The following PDE7B variants were observed in gnomAD, a reference collection of about 807,000 sequenced individuals.
PDE7B encodes the protein 3',5'-cyclic-AMP phosphodiesterase 7B.
In PDE7B, 29 loss-of-function variants were observed where a neutral mutation model predicts 56.2. That is an observed-to-expected ratio of 0.52 (90% CI 0.38 to 0.70). The LOEUF (loss-of-function observed/expected upper bound fraction) is 0.70, where lower values mean the gene tolerates loss of function less well. Among genes scored for constraint, PDE7B ranks in the 30% least tolerant of loss-of-function variants. The pLI, the probability that PDE7B is intolerant of heterozygous loss-of-function variation, is 0.00. For synonymous variants in PDE7B, 197 were observed against 196.9 expected (o/e 1.00, Z 0.00); for missense variants, 490 against 565.0 (o/e 0.87, Z 1.35).
chr6:136,010,477 C>T (rs1253379381), intron 2 of PDE7B, among the ~76,000 whole-genome samples: 1 of 149,248 alleles, frequency 6.7e-6, no homozygotes, highest in East Asian at 2.0e-4. Flanking sequence ...GCAGTCTCGG[C>T]TCACTGCAAC....
intron 2 of PDE7B, among the ~76,000 whole-genome samples, chr6:136,042,021 C>T (rs1028551555): frequency 3.3e-5 from 5 of 152,190 alleles, no homozygotes; most frequent in Non-Finnish European, 5.9e-5. Context: ...AATGAGAACT[C>T]ATGATGTGAT....
At chr6:135,910,767 T>C (rs1297592293) in intron 1 of PDE7B, among the ~76,000 whole-genome samples, 1 of 152,070 alleles carries the variant, frequency 6.6e-6, no homozygotes, top group East Asian at 1.9e-4. Context: ...CTCCACCCAC[T>C]ACCTTCACCA....
chr6:135,883,075 A>T (rs1229919448), intron 1 of PDE7B, among the ~76,000 whole-genome samples: 2 of 152,104 alleles, frequency 1.3e-5, no homozygotes, highest in Non-Finnish European at 2.9e-5. Context: ...CCTTGAGTTC[A>T]TGGTTTCTTT....
At chr6:135,895,914 C>A (rs1273166179) in intron 1 of PDE7B, among the ~76,000 whole-genome samples, 2 of 152,110 alleles carry the variant, frequency 1.3e-5, no homozygotes, top group African/African-American at 4.8e-5. Flanking sequence ...CCTAGCTCAC[C>A]CTAGGCTCTC....
chr6:135,892,286 C>T (rs934715865), intron 1 of PDE7B, among the ~76,000 whole-genome samples: 3 of 152,046 alleles, frequency 2.0e-5, no homozygotes, highest in South Asian at 2.1e-4. Flanking sequence ...CTTTCAGAAA[C>T]GTGAGAATCA....
intron 3 of PDE7B, among the ~76,000 whole-genome samples, chr6:136,139,736 T>C (rs1175008177): frequency 6.6e-6 from 1 of 152,250 alleles, no homozygotes; most frequent in Non-Finnish European, 1.5e-5. Context: ...ACGAGCATTT[T>C]TTCACGTGTC....
At chr6:135,900,959 T>C (rs575119990) in intron 1 of PDE7B, among the ~76,000 whole-genome samples, 2 of 152,344 alleles carry the variant, frequency 1.3e-5, no homozygotes, top group African/African-American at 4.8e-5. Context: ...TAAATTTGAA[T>C]GCTGTTGGCC....
chr6:136,182,995 C>T (rs1779090591), intron 11 of PDE7B, among the ~76,000 whole-genome samples: 1 of 151,010 alleles, frequency 6.6e-6, no homozygotes, highest in South Asian at 2.1e-4. Context: ...TTGCTTGAAC[C>T]CAGGAGGCGG....
At chr6:136,049,858 T>C (rs768220090) in intron 2 of PDE7B, among the ~76,000 whole-genome samples, 4 of 152,138 alleles carry the variant, frequency 2.6e-5, no homozygotes, top group African/African-American at 4.8e-5. Flanking sequence ...CCATTGAAAA[T>C]CTTTAAATGG....
At chr6:135,926,364 G>A (rs4601145) in intron 1 of PDE7B, among the ~76,000 whole-genome samples, 1 of 151,866 alleles carries the variant, frequency 6.6e-6, no homozygotes, top group Non-Finnish European at 1.5e-5. Context: ...TGGGATTACA[G>A]GCGTGAGCCA....
At chr6:135,980,739 A>G (rs1196831157) in intron 2 of PDE7B, among the ~76,000 whole-genome samples, 10 of 146,826 alleles carry the variant, frequency 6.8e-5, no homozygotes, top group South Asian at 2.3e-4. Context: ...ATGAGATACC[A>G]TCTCACACCA....
chr6:136,148,222 C>T (rs1203575163), intron 4 of PDE7B, among the ~76,000 whole-genome samples: 1 of 151,788 alleles, frequency 6.6e-6, no homozygotes, highest in Non-Finnish European at 1.5e-5. Flanking sequence ...AAGCACAGTG[C>T]CTCATGCCTG....
At chr6:135,971,969 TC>T (rs1485991513) in intron 2 of PDE7B, among the ~76,000 whole-genome samples, 1 of 152,050 alleles carries the variant, frequency 6.6e-6, no homozygotes, top group Admixed American at 6.6e-5. Flanking sequence ...GCACGGTGGC[TC>T]ATGCCTGTAA....
intron 2 of PDE7B, among the ~76,000 whole-genome samples, chr6:136,029,709 T>C (rs1227516525): frequency 2.6e-5 from 4 of 152,184 alleles, no homozygotes; most frequent in Non-Finnish European, 5.9e-5. Flanking sequence ...AAAATTTCAA[T>C]GTGGGATGAA....
intron 1 of PDE7B, among the ~76,000 whole-genome samples, chr6:135,941,576 G>GAA (rs1466437568): frequency 6.6e-6 from 1 of 152,190 alleles, no homozygotes; most frequent in Admixed American, 6.5e-5. Context: ...TCACAGTGTG[G>GAA]TTTTGAGTGT....
chr6:135,986,465 C>T (rs1014216733), intron 2 of PDE7B, among the ~76,000 whole-genome samples: 1 of 152,138 alleles, frequency 6.6e-6, no homozygotes, highest in South Asian at 2.1e-4. Flanking sequence ...AGACTCAATC[C>T]AGCTTTAAGA....
At chr6:136,010,567 G>C (rs1053924087) in intron 2 of PDE7B, among the ~76,000 whole-genome samples, 1 of 151,848 alleles carries the variant, frequency 6.6e-6, no homozygotes, top group African/African-American at 2.4e-5. Flanking sequence ...AACAACACCT[G>C]GCTAATTTTT....
At chr6:136,016,058 T>C (rs79356641) in intron 2 of PDE7B, among the ~76,000 whole-genome samples, 2,065 of 152,298 alleles carry the variant, frequency 0.014, 52 homozygotes, top group African/African-American at 0.046. Flanking sequence ...AACTAGATTG[T>C]TAATGTTAGT....
At chr6:136,074,811 C>A (rs1167584382) in intron 2 of PDE7B, among the ~76,000 whole-genome samples, 3 of 152,080 alleles carry the variant, frequency 2.0e-5, no homozygotes, top group Admixed American at 6.5e-5. Flanking sequence ...CCCACATTTT[C>A]TTTATCCATT....
Sources: gnomAD v4.1 joint callset for allele counts (sites outside exome capture counted in the v4.1 genomes callset) on GRCh38, gnomAD v4.1.1 for gene constraint, MANE v1.5 for transcripts, NCBI Gene and HGNC (gene_info 2026-07-23, HGNC 2026-07-21) for gene names.